OTUD7A: variants seen among roughly 807,000 people sequenced by gnomAD.
OTUD7A encodes OTU deubiquitinase 7A, also known as OTU domain-containing protein 7A.
Under a neutral mutation model 65.7 loss-of-function variants are expected in OTUD7A, and 12 were observed. The observed-to-expected ratio is 0.18, with a 90% CI of 0.12 to 0.30. The LOEUF (loss-of-function observed/expected upper bound fraction) is 0.30, where lower values mean the gene tolerates loss of function less well. OTUD7A is among the 10% of genes least tolerant of loss of function. OTUD7A has a pLI of 1.00. For synonymous variants in OTUD7A, 641 were observed against 586.3 expected, an observed-to-expected ratio of 1.09 and a Z score of -1.35; for missense variants, 1,148 against 1,304.8, an observed-to-expected ratio of 0.88 and a Z score of 1.85.
intron 10 of OTUD7A, among the ~76,000 whole-genome samples, chr15:31,488,043 GC>G (rs2041265473): frequency 1.3e-5 from 2 of 152,170 alleles, no homozygotes; most frequent in African/African-American, 4.8e-5. Flanking sequence ...CTGTATCAGT[GC>G]CTGGGACCCA....
intron 5 of OTUD7A, 47 bp from the exon 6 acceptor site, chr15:31,530,855 G>C: frequency 5.3e-6 from 8 of 1,518,816 alleles, no homozygotes; most frequent in Non-Finnish European, 7.3e-6. Flanking sequence ...AAAGGAAGGG[G>C]CCACTGGGGG....
chr15:31,697,846 G>C (rs879435234), intron 1 of OTUD7A, among the ~76,000 whole-genome samples: 1 of 152,310 alleles, frequency 6.6e-6, no homozygotes, highest in East Asian at 1.9e-4. Context: ...GCCACTTCTC[G>C]AAATGTGCTG....
chr15:31,750,143 C>T (rs1380787816), intron 1 of OTUD7A, among the ~76,000 whole-genome samples: 2 of 152,132 alleles, frequency 1.3e-5, no homozygotes, highest in African/African-American at 2.4e-5. Flanking sequence ...CATGGTGGCT[C>T]ACGCCTGTAA....
chr15:31,760,988 A>G (rs1894947711), intron 1 of OTUD7A, among the ~76,000 whole-genome samples: 1 of 152,146 alleles, frequency 6.6e-6, no homozygotes, highest in Non-Finnish European at 1.5e-5. Context: ...GTGAATGAAT[A>G]AAGTTCTATC....
At chr15:31,566,804 A>C (rs1888890685) in intron 4 of OTUD7A, among the ~76,000 whole-genome samples, 1 of 152,108 alleles carries the variant, frequency 6.6e-6, no homozygotes, top group Admixed American at 6.5e-5. Flanking sequence ...AGCTCTGGCC[A>C]TGTAAAGTGC....
intron 1 of OTUD7A, among the ~76,000 whole-genome samples, chr15:31,853,331 T>G (rs1345278013): frequency 1.3e-5 from 2 of 152,142 alleles, no homozygotes; most frequent in African/African-American, 4.8e-5. Flanking sequence ...TCCTCCACAC[T>G]TTCTTTGAAA....
At chr15:31,772,115 A>G (rs908158891) in intron 1 of OTUD7A, among the ~76,000 whole-genome samples, 7 of 98,118 alleles carry the variant, frequency 7.1e-5, no homozygotes, top group African/African-American at 2.0e-4. Context: ...AGCCGGGCGT[A>G]GTGGCGGGCG....
In OTUD7A at chr15:31,850,142, G is replaced by A. The variant is rs8033288; in HGVS notation, c.-100+20365C>T. On this transcript the variant is annotated intron_variant, in intron 1 of 12. Coordinates refer to ENST00000307050, the MANE Select transcript of OTUD7A (RefSeq NM_001382637.1). ...TTACTGCAGCACTAATCACAATAGC[G>A]AAGACTTGGAACTAACCCAAATGTC... is the stretch of plus-strand genomic sequence containing the variant. 7.1e-3 allele frequency among the ~76,000 whole-genome samples: 1,074 copies of A among 152,216 alleles called. 15 individuals carry two copies. Among genetic ancestry groups the A allele is most frequent in the African/African-American group, 0.025 (1,029 of 41,516 alleles).
At chr15:31,720,316 A>T (rs1394399362) in intron 1 of OTUD7A, among the ~76,000 whole-genome samples, 1 of 151,866 alleles carries the variant, frequency 6.6e-6, no homozygotes, top group South Asian at 2.1e-4. Flanking sequence ...TGCATATACA[A>T]TGGTGGTCCT....
chr15:31,501,658 C>G (rs1369505072), intron 10 of OTUD7A, 32 bp downstream of exon 10: 8 of 1,613,888 alleles, frequency 5.0e-6, no homozygotes, highest in Non-Finnish European at 6.8e-6. Flanking sequence ...ACCCTAGGCT[C>G]CTGCGTGCAC....
At chr15:31,497,045 C>A (rs1424358640) in intron 10 of OTUD7A, among the ~76,000 whole-genome samples, 2 of 152,156 alleles carry the variant, frequency 1.3e-5, no homozygotes, top group African/African-American at 4.8e-5. Flanking sequence ...TTCACACCAG[C>A]ATCTCCCCCT....
chr15:31,582,693 A>C (rs1030457612), intron 3 of OTUD7A, among the ~76,000 whole-genome samples: 3 of 152,210 alleles, frequency 2.0e-5, no homozygotes, highest in African/African-American at 7.2e-5. Context: ...CTCATGATTC[A>C]ATTATCTCCA....
intron 3 of OTUD7A, among the ~76,000 whole-genome samples, chr15:31,613,801 G>A (rs181003396): frequency 1.3e-5 from 2 of 152,098 alleles, no homozygotes; most frequent in African/African-American, 4.8e-5. Context: ...TATCCACCTA[G>A]AGGAAAAGAA....
At chr15:31,775,329 T>C (rs544084030) in intron 1 of OTUD7A, among the ~76,000 whole-genome samples, 2 of 152,344 alleles carry the variant, frequency 1.3e-5, no homozygotes, top group South Asian at 4.1e-4. Flanking sequence ...CAAATAATTA[T>C]GTAATGAGGA....
intron 9 of OTUD7A, 51 bp from the exon 10 acceptor site, chr15:31,501,890 G>A: frequency 6.4e-7 from 1 of 1,559,104 alleles, no homozygotes; most frequent in Non-Finnish European, 8.7e-7. Flanking sequence ...GCTCGAGCTG[G>A]GAGGGGAGGC....
At chr15:31,840,342 G>T (rs531393810) in intron 1 of OTUD7A, among the ~76,000 whole-genome samples, 2 of 152,286 alleles carry the variant, frequency 1.3e-5, no homozygotes, top group South Asian at 4.1e-4. Context: ...GGAGGCTGAG[G>T]CACGAGAATC....
rs553875265 is a variant in OTUD7A at position 31,713,748 on chromosome 15, C to T, written c.-99-56671G>A. On this transcript the variant is annotated intron_variant, in intron 1 of 12. Coordinates refer to ENST00000307050, the MANE Select transcript of OTUD7A (RefSeq NM_001382637.1). ...AGAAAACATCATTGCAATCCATAGACTCAGTAAAGGACTGGTACCCTGAAT... is the reference window on the plus strand; with the variant it reads ...AGAAAACATCATTGCAATCCATAGATTCAGTAAAGGACTGGTACCCTGAAT... 5.3e-3 allele frequency among the ~76,000 whole-genome samples: 808 copies of T among 151,510 alleles called. 3 individuals are homozygous for T. The highest frequency in any genetic ancestry group is 8.4e-3 in the Non-Finnish European group (572 of 67,872).
chr15:31,620,521 T>C (rs1890745896), intron 3 of OTUD7A, among the ~76,000 whole-genome samples: 1 of 151,442 alleles, frequency 6.6e-6, no homozygotes, highest in African/African-American at 2.4e-5. Flanking sequence ...CAGGAATTTA[T>C]CCATTTCTTC....
chr15:31,783,300 C>T (rs887983598), intron 1 of OTUD7A, among the ~76,000 whole-genome samples: 1 of 152,202 alleles, frequency 6.6e-6, no homozygotes, highest in African/African-American at 2.4e-5. Flanking sequence ...CGTCTAGGGG[C>T]TTACCTTTTA....
Sources: allele counts gnomAD v4.1 joint callset (sites outside exome capture counted in the v4.1 genomes callset), GRCh38; gene constraint gnomAD v4.1.1; transcripts MANE v1.5; gene names NCBI Gene and HGNC (gene_info 2026-07-23, HGNC 2026-07-21).